The following GPR160 variants were observed in gnomAD, a reference collection of about 807,000 sequenced individuals.
GPR160 encodes the protein probable G protein-coupled receptor 160.
In GPR160, 2 loss-of-function variants were observed where a neutral mutation model predicts 2.6. The ratio of observed to expected loss-of-function variants is 0.77; its 90% confidence interval spans 0.32 to 2.44. The LOEUF (loss-of-function observed/expected upper bound fraction) is 2.44. GPR160 is among the 30% of genes most tolerant of loss of function. The pLI is 0.11. For missense variants in GPR160, 351 were observed against 383.6 expected (o/e 0.91, Z 0.71); for synonymous variants, 130 against 132.2 (o/e 0.98, Z 0.12).
intron 2 of GPR160, among the ~76,000 whole-genome samples, chr3:170,055,869 C>A (rs113968946): frequency 0.13 from 19,677 of 152,180 alleles, 1,330 homozygotes; most frequent in Middle Eastern, 0.18. Context: ...CTCCTCACTT[C>A]GTGATCCGCC....
rs771096280 is a variant in GPR160, at chr3:170,084,824, T to C, written c.852T>C (p.Asn284=). 6.2e-7 allele frequency: 1 copy of C among 1,609,606 alleles called. No individual in the cohort carries two copies. The highest frequency in any genetic ancestry group is 1.7e-5 in the Admixed American group (1 of 59,924). ...EMNIPWLYFV[N]SFLIATVYWF... Reference sequence around the variant, plus strand: ...ATATTCCCTGGTTATACTTTGTCAATAGTTTTCTCATTGCTACAGTGTATT... The same window carrying C: ...ATATTCCCTGGTTATACTTTGTCAACAGTTTTCTCATTGCTACAGTGTATT... Residue 284 remains asparagine (N), a synonymous_variant, in exon 4 of 4, where the codon AAT becomes AAC. Coordinates refer to ENST00000355897, the MANE Select transcript of GPR160 (RefSeq NM_014373.3).
chr3:170,051,746 CAAAT>C (rs1716968479), intron 2 of GPR160, among the ~76,000 whole-genome samples: 2 of 152,026 alleles, frequency 1.3e-5, no homozygotes, highest in Non-Finnish European at 2.9e-5. Context: ...AAATAAAAAA[CAAAT>C]AAATAGTTTG....
At chr3:170,080,865 T>A (rs935194958) in intron 3 of GPR160, among the ~76,000 whole-genome samples, 1 of 151,842 alleles carries the variant, frequency 6.6e-6, no homozygotes, top group African/African-American at 2.4e-5. Flanking sequence ...CACACCCGAG[T>A]AATTTTTGTA....
intron 2 of GPR160, chr3:170,077,891 C>T: frequency 5.9e-6 from 1 of 168,360 alleles, no homozygotes; most frequent in Admixed American, 6.1e-5. Context: ...AGGAACGCTG[C>T]AATGGATCGC....
chr3:170,052,309 A>G (rs75609647), intron 2 of GPR160, among the ~76,000 whole-genome samples: 3,680 of 152,170 alleles, frequency 0.024, 131 homozygotes, highest in East Asian at 0.087. Context: ...ATGCCACACT[A>G]TTTTCCAAGG....
intron 2 of GPR160, among the ~76,000 whole-genome samples, chr3:170,049,201 C>T (rs1349113209): frequency 6.6e-6 from 1 of 152,190 alleles, no homozygotes; most frequent in East Asian, 1.9e-4. Flanking sequence ...CTACACACAG[C>T]TTTATCTTGT....
chr3:170,046,490 C>T (rs769800500), intron 2 of GPR160, among the ~76,000 whole-genome samples: 5 of 152,160 alleles, frequency 3.3e-5, no homozygotes, highest in African/African-American at 1.2e-4. Context: ...GTCTTCTGGG[C>T]AGCCAGTGCC....
chr3:170,041,709 G>A (rs1427903780), intron 2 of GPR160, among the ~76,000 whole-genome samples: 1 of 152,228 alleles, frequency 6.6e-6, no homozygotes, highest in Non-Finnish European at 1.5e-5. Flanking sequence ...GTGAATTCAT[G>A]ATGGTTCTTA....
intron 2 of GPR160, among the ~76,000 whole-genome samples, chr3:170,052,375 A>G (rs181222365): frequency 3.3e-5 from 5 of 152,336 alleles, no homozygotes; most frequent in Admixed American, 1.3e-4. Context: ...GTTACTCTAC[A>G]TCTTTTCCAA....
chr3:170,042,679 AAAT>A (rs1559980066), intron 2 of GPR160, among the ~76,000 whole-genome samples: 5 of 145,526 alleles, frequency 3.4e-5, no homozygotes, highest in African/African-American at 5.1e-5. Flanking sequence ...AAAAAAAAAT[AAAT>A]AAATAATAAT....
chr3:170,073,215 T>G lies in GPR160; in HGVS notation c.-192-6559T>G, dbSNP rs147270424. The stretch of plus-strand genomic sequence containing the variant: ...AAAAAAAAAAGAAAAAATTATTGCC[T>G]ATTATAATTTGTTGTGACAGCCCTA... On this transcript the variant is annotated intron_variant, in intron 2 of 3. Coordinates refer to ENST00000355897, the MANE Select transcript of GPR160 (RefSeq NM_014373.3). Among the ~76,000 whole-genome samples the G allele has an allele frequency of 2.2e-3, 342 of 152,060 alleles. 2 individuals are homozygous for G. Among genetic ancestry groups the G allele is most frequent in the African/African-American group, 8.1e-3 (334 of 41,404 alleles).
chr3:170,078,644 GCTAA>G (rs3049568), intron 2 of GPR160, among the ~76,000 whole-genome samples: 17,060 of 152,182 alleles, frequency 0.11, 1,024 homozygotes, highest in Middle Eastern at 0.16. Flanking sequence ...ACTGGTCAGT[GCTAA>G]CTAAAACAAC....
chr3:170,048,142 A>G (rs549167894), intron 2 of GPR160, among the ~76,000 whole-genome samples: 1 of 152,342 alleles, frequency 6.6e-6, no homozygotes, highest in Non-Finnish European at 1.5e-5. Flanking sequence ...CCATTATTCT[A>G]AGTGAAGTAA....
intron 2 of GPR160, among the ~76,000 whole-genome samples, chr3:170,070,372 G>A (rs1463128618): frequency 6.6e-6 from 1 of 152,074 alleles, no homozygotes; most frequent in Non-Finnish European, 1.5e-5. Flanking sequence ...AGGTTTGGTC[G>A]GGTTCTAATT....
At chr3:170,058,239 G>A (rs984553805) in intron 2 of GPR160, among the ~76,000 whole-genome samples, 30 of 152,180 alleles carry the variant, frequency 2.0e-4, no homozygotes, top group Non-Finnish European at 4.0e-4. Flanking sequence ...GCCTGGGTGG[G>A]TATTTCAGGC....
intron 2 of GPR160, among the ~76,000 whole-genome samples, chr3:170,066,669 A>G (rs1352314299): frequency 6.6e-6 from 1 of 152,192 alleles, no homozygotes; most frequent in Non-Finnish European, 1.5e-5. Flanking sequence ...GTTATAATGT[A>G]GTTTCCAGTC....
chr3:170,058,298 G>A (rs1170858265), intron 2 of GPR160, among the ~76,000 whole-genome samples: 2 of 152,180 alleles, frequency 1.3e-5, no homozygotes, highest in Non-Finnish European at 2.9e-5. Flanking sequence ...ACCCATATGG[G>A]TTTCAGAATT....
At chr3:170,078,307 C>T (rs575329336) in intron 2 of GPR160, among the ~76,000 whole-genome samples, 9 of 152,062 alleles carry the variant, frequency 5.9e-5, no homozygotes, top group Non-Finnish European at 1.3e-4. Flanking sequence ...TTACTGCCTC[C>T]GCCTCCTCCC....
chr3:170,069,830 A>T (rs930708257), intron 2 of GPR160, among the ~76,000 whole-genome samples: 2 of 152,060 alleles, frequency 1.3e-5, no homozygotes, highest in Non-Finnish European at 2.9e-5. Flanking sequence ...GCCATAACAA[A>T]CCACCACAGG....
Sources: gnomAD v4.1 joint callset for allele counts (sites outside exome capture counted in the v4.1 genomes callset) on GRCh38, gnomAD v4.1.1 for gene constraint, MANE v1.5 for transcripts, NCBI Gene and HGNC (gene_info 2026-07-23, HGNC 2026-07-21) for gene names.